Variants in TSHZ3 observed in about 807,000 individuals in gnomAD.
The protein encoded by TSHZ3 is teashirt homolog 3.
Under a neutral mutation model 64.5 loss-of-function variants are expected in TSHZ3, and 10 were observed. The observed-to-expected ratio is 0.16, with a 90% CI of 0.10 to 0.26. The LOEUF is 0.26. TSHZ3 is among the 10% of genes least tolerant of loss of function. The pLI is 1.00. For synonymous variants in TSHZ3, 608 were observed against 593.1 expected (o/e 1.03, Z -0.36); for missense variants, 1,242 against 1,421.7 (o/e 0.87, Z 2.03).
intron 5 of TSHZ3, among the ~76,000 whole-genome samples, chr19:31,159,216 G>T (rs1974341871): frequency 2.0e-5 from 3 of 152,102 alleles, no homozygotes; most frequent in Admixed American, 2.0e-4. Context: ...GGCCAGGCTG[G>T]TCTTGAACTC....
At chr19:31,253,425 CA>C (rs1446638477) in intron 1 of TSHZ3, among the ~76,000 whole-genome samples, 1 of 152,108 alleles carries the variant, frequency 6.6e-6, no homozygotes, top group East Asian at 1.9e-4. Flanking sequence ...GCTGAACGCC[CA>C]AAGTTGCATC....
At chr19:31,258,580 C>T (rs951038661) in intron 1 of TSHZ3, among the ~76,000 whole-genome samples, 9 of 151,950 alleles carry the variant, frequency 5.9e-5, no homozygotes, top group Non-Finnish European at 1.3e-4. Context: ...TGGTCTGTCT[C>T]CCCCACTGAT....
chr19:31,341,630 G>GACAC (rs57786287), intron 1 of TSHZ3, among the ~76,000 whole-genome samples: 6,577 of 137,938 alleles, frequency 0.048, 191 homozygotes, highest in East Asian at 0.062. Context: ...CTCTCTCTCT[G>GACAC]ACACACACAC....
At chr19:31,331,830 AG>A (rs1917104970) in intron 1 of TSHZ3, among the ~76,000 whole-genome samples, 1 of 152,160 alleles carries the variant, frequency 6.6e-6, no homozygotes, top group Admixed American at 6.5e-5. Flanking sequence ...CTTCGTAAGG[AG>A]GGGTGGCTGC....
At chr19:31,256,115 C>T (rs961737391) in intron 1 of TSHZ3, among the ~76,000 whole-genome samples, 1 of 152,172 alleles carries the variant, frequency 6.6e-6, no homozygotes, top group African/African-American at 2.4e-5. Flanking sequence ...CCGAGGCTCA[C>T]TTTCTCCCCT....
chr19:31,181,455 C>A (rs2145126986), intron 5 of TSHZ3, among the ~76,000 whole-genome samples: 1 of 152,248 alleles, frequency 6.6e-6, no homozygotes, highest in African/African-American at 2.4e-5. Flanking sequence ...TAAGGGGTTT[C>A]TTTTAGAATC....
chr19:31,259,601 G>A (rs1360589308), intron 1 of TSHZ3, among the ~76,000 whole-genome samples: 1 of 151,940 alleles, frequency 6.6e-6, no homozygotes, highest in Non-Finnish European at 1.5e-5. Context: ...TATGGGGCTG[G>A]GAGCTCACCT....
chr19:31,240,155 G>A (rs1464360900), intron 3 of TSHZ3, among the ~76,000 whole-genome samples: 1 of 151,896 alleles, frequency 6.6e-6, no homozygotes, highest in Non-Finnish European at 1.5e-5. Flanking sequence ...ATTGTTTTCT[G>A]AGACTCAAAT....
intron 1 of TSHZ3, among the ~76,000 whole-genome samples, chr19:31,309,822 A>T (rs1916405642): frequency 6.6e-6 from 1 of 152,106 alleles, no homozygotes; most frequent in Non-Finnish European, 1.5e-5. Flanking sequence ...TGGCCACGGC[A>T]TCCCTCTCCA....
intron 5 of TSHZ3, among the ~76,000 whole-genome samples, chr19:31,199,624 C>T (rs1975046817): frequency 1.3e-5 from 2 of 149,620 alleles, no homozygotes; most frequent in African/African-American, 2.5e-5. Flanking sequence ...TTAGAAGATA[C>T]CACAGGAGAA....
At chr19:31,206,309 G>GTGGA (rs1168332620) in intron 4 of TSHZ3, among the ~76,000 whole-genome samples, 4 of 151,032 alleles carry the variant, frequency 2.6e-5, no homozygotes, top group Admixed American at 1.3e-4. Flanking sequence ...AGATGGGTGG[G>GTGGA]TGGATGGATG....
At chr19:31,219,920 A>T (rs1975377314) in intron 4 of TSHZ3, among the ~76,000 whole-genome samples, 1 of 150,132 alleles carries the variant, frequency 6.7e-6, no homozygotes, top group Admixed American at 6.6e-5. Flanking sequence ...AAATATATAT[A>T]TTCAATTGAT....
intron 1 of TSHZ3, among the ~76,000 whole-genome samples, chr19:31,261,308 G>A (rs1213122517): frequency 6.6e-6 from 1 of 152,166 alleles, no homozygotes; most frequent in Admixed American, 6.5e-5. Context: ...ATTCTCCAGA[G>A]TCTCTGAGAG....
chr19:31,261,737 C>G (rs1014715663), intron 1 of TSHZ3, among the ~76,000 whole-genome samples: 1 of 152,062 alleles, frequency 6.6e-6, no homozygotes, highest in African/African-American at 2.4e-5. Context: ...TTACAGAAAC[C>G]GGGGGAGAGG....
chr19:31,197,870 T>C (rs1394335619), intron 5 of TSHZ3, among the ~76,000 whole-genome samples: 2 of 152,098 alleles, frequency 1.3e-5, no homozygotes, highest in East Asian at 3.9e-4. Context: ...ATCAAATATT[T>C]AAGAGAAAAA....
rs369832189 is a variant in TSHZ3, at chr19:31,183,602, G to A, written n.809+21354C>T. Among the ~76,000 whole-genome samples the A allele has an allele frequency of 1.2e-4, 19 of 152,308 alleles. No individual in the cohort carries two copies. In the East Asian group the frequency reaches 2.7e-3, roughly 22 times the overall value. ...AGGCAGCAAGCAGGTTGGGAACCAG[G>A]TGTGTTAGGGGGTTTTCTTTCCTGC... On this transcript the variant is annotated intron_variant and non_coding_transcript_variant, in intron 5 of 6. Transcript: ENST00000651361.
In TSHZ3 at chr19:31,277,569, G is replaced by A. The variant is rs781600374; in HGVS notation, c.2224C>T (p.Pro742Ser). 1 of 1,598,806 alleles carries A rather than the reference G, an allele frequency of 6.3e-7. No individual in the cohort carries two copies. Among genetic ancestry groups the A allele is most frequent in the Non-Finnish European group, 8.5e-7 (1 of 1,171,892 alleles). Reference sequence around the variant, plus strand: ...AGCATGCTCATGGGGTCCAGGGCAGGCAGGGAGGGCTTGGCGGCCTTGCCC... The same window carrying A: ...AGCATGCTCATGGGGTCCAGGGCAGACAGGGAGGGCTTGGCGGCCTTGCCC... ...HLGKAAKPSL[P>S]ALDPMSMLFK... Residue 742 changes from proline to serine, a missense_variant, in exon 2 of 2, where the codon CCT (proline) becomes TCT (serine). This residue lies in a region of TSHZ3 where 550 missense variants were observed against 545.1 expected (regional missense o/e 1.01). Transcript: ENST00000240587. The surrounding 1 kb of genome is among the most constrained non-coding windows in gnomAD (Gnocchi z 4.5).
rs756083058 is a variant in TSHZ3 at position 31,278,304 on chromosome 19, TCTC to T, written c.1486_1488del (p.Glu496del). On this transcript the variant is annotated inframe_deletion, in exon 2 of 2. Coordinates refer to ENST00000240587, the MANE Select transcript of TSHZ3 (RefSeq NM_020856.4). The surrounding 1 kb of genome is among the most constrained non-coding windows in gnomAD (Gnocchi z 4.7). ...TGGTATTTGGAAGAGATGTCACACT[TCTC>T]CTCTTCTTCGCCAGGCTTGTCTTTT... 53 of 1,614,090 alleles carry T rather than the reference TCTC, an allele frequency of 3.3e-5. No individual in the cohort carries two copies. The highest frequency in any genetic ancestry group is 3.9e-5 in the Non-Finnish European group (46 of 1,180,054).
intron 4 of TSHZ3, among the ~76,000 whole-genome samples, chr19:31,215,136 A>G (rs1316658988): frequency 6.6e-6 from 1 of 152,156 alleles, no homozygotes. Flanking sequence ...TAGATACCAC[A>G]TTCAGAATTG....
Sources: allele counts gnomAD v4.1 joint callset (sites outside exome capture counted in the v4.1 genomes callset), GRCh38; gene constraint gnomAD v4.1.1; regional missense constraint gnomAD v4.1.1; non-coding constraint Gnocchi (gnomAD v3.1); transcripts MANE v1.5; gene names NCBI Gene and HGNC (gene_info 2026-07-23, HGNC 2026-07-21).